The following DCDC2 variants were observed in gnomAD, a reference collection of about 807,000 sequenced individuals.
The protein encoded by DCDC2 is doublecortin domain-containing protein 2.
Under a neutral mutation model 50.2 loss-of-function variants are expected in DCDC2, and 40 were observed. That is an observed-to-expected ratio of 0.80 (90% CI 0.62 to 1.04). The LOEUF (loss-of-function observed/expected upper bound fraction) is 1.04. Among genes scored for constraint, DCDC2 ranks in the 50% least tolerant of loss-of-function variants. The pLI is 0.00. For missense variants in DCDC2, 570 were observed against 581.9 expected, an observed-to-expected ratio of 0.98 and a Z score of 0.21; for synonymous variants, 234 against 210.6, an observed-to-expected ratio of 1.11 and a Z score of -0.96.
In DCDC2 at chr6:24,357,914, C is replaced by T. The variant is rs1187112074; in HGVS notation, c.-164G>A. 6.5e-7 allele frequency: 1 copy of T among 1,532,050 alleles called. No individual in the cohort carries two copies. Among genetic ancestry groups the T allele is most frequent in the African/African-American group, 1.4e-5 (1 of 72,348 alleles). The allele number at this position is 1,532,050 out of a possible 1,614,324, so 94.9% of individuals were successfully genotyped here. ...AAGTAACGGCCGTGCGCCTAGGCGT[C>T]CACCCAGAGGAGACACTAGGAGCTT... On this transcript the variant is annotated 5_prime_UTR_variant, in exon 1 of 10. Transcript: ENST00000378454.
chr6:24,266,257 G>A (rs1363586908), intron 7 of DCDC2, among the ~76,000 whole-genome samples: 2 of 151,996 alleles, frequency 1.3e-5, no homozygotes, highest in African/African-American at 2.4e-5. Context: ...GAAAACATTG[G>A]GGAAACTCCC....
intron 2 of DCDC2, among the ~76,000 whole-genome samples, chr6:24,326,075 C>CAAAG (rs1290114902): frequency 7.2e-6 from 1 of 139,158 alleles, no homozygotes; most frequent in Non-Finnish European, 1.6e-5. Flanking sequence ...GTTCCAAAAC[C>CAAAG]AAAGAAAGAA....
chr6:24,196,674 C>G (rs1761451696), intron 8 of DCDC2, among the ~76,000 whole-genome samples: 1 of 152,188 alleles, frequency 6.6e-6, no homozygotes, highest in African/African-American at 2.4e-5. Context: ...TCCAGACCAC[C>G]TCAGCCTCCC....
chr6:24,361,055 T>C (rs985820048), upstream of DCDC2, among the ~76,000 whole-genome samples: 1 of 152,188 alleles, frequency 6.6e-6, no homozygotes, highest in African/African-American at 2.4e-5. Context: ...TGTGGGACAT[T>C]GCAATCTGGA....
intron 7 of DCDC2, among the ~76,000 whole-genome samples, chr6:24,275,084 C>T (rs1421788563): frequency 6.6e-6 from 1 of 152,058 alleles, no homozygotes; most frequent in East Asian, 1.9e-4. Context: ...TTTCATTTTG[C>T]TTCAAATTCT....
In DCDC2 at chr6:24,173,040, G is replaced by T. The variant is rs969227597; in HGVS notation, c.*1690C>A. 25 of 136,044 alleles carry T rather than the reference G, an allele frequency of 1.8e-4. No homozygotes were observed. The highest frequency in any genetic ancestry group is 6.1e-4 in the African/African-American group (24 of 39,114). The allele number at this position is 136,044 out of a possible 1,614,324, so 8.4% of individuals were successfully genotyped here. A position where few individuals can be genotyped will look rare whatever the true frequency, so the allele number is the denominator to read the frequency against. On this transcript the variant is annotated 3_prime_UTR_variant, in exon 10 of 10. Coordinates refer to ENST00000378454, the MANE Select transcript of DCDC2 (RefSeq NM_016356.5). ...ATAATAAAGATCAATTGGTCTATTT[G>T]CCTACCAACCCAAGATTGTTGCTTA...
intron 4 of DCDC2, among the ~76,000 whole-genome samples, chr6:24,294,932 A>G (rs936603138): frequency 6.6e-6 from 1 of 152,110 alleles, no homozygotes; most frequent in Non-Finnish European, 1.5e-5. Context: ...ATTCCAAAAA[A>G]TTGAGGAGGA....
chr6:24,242,695 C>CT (rs935326265), intron 7 of DCDC2, among the ~76,000 whole-genome samples: 1 of 152,174 alleles, frequency 6.6e-6, no homozygotes, highest in African/African-American at 2.4e-5. Context: ...GGCATGGTGG[C>CT]TCACGCCTGT....
At chr6:24,304,597 A>T (rs540722772) in intron 2 of DCDC2, among the ~76,000 whole-genome samples, 1 of 152,310 alleles carries the variant, frequency 6.6e-6, no homozygotes, top group South Asian at 2.1e-4. Context: ...CCTATGCCCT[A>T]ATCACCAAGC....
At chr6:24,371,135 G>A in the DCDC2 span, among the ~76,000 whole-genome samples, 1 of 151,706 alleles carries the variant, frequency 6.6e-6, no homozygotes, top group Non-Finnish European at 1.5e-5. Flanking sequence ...AAATTAGCTG[G>A]GTGTGGCGGT....
intron 8 of DCDC2, among the ~76,000 whole-genome samples, chr6:24,185,369 T>A (rs1761168207): frequency 1.3e-5 from 2 of 152,190 alleles, no homozygotes; most frequent in Admixed American, 6.5e-5. Flanking sequence ...TTAGTTCAAC[T>A]TTAAGAAATG....
intron 2 of DCDC2, among the ~76,000 whole-genome samples, chr6:24,329,771 C>T (rs1197731833): frequency 1.3e-5 from 2 of 152,200 alleles, no homozygotes; most frequent in African/African-American, 4.8e-5. Context: ...GCGCTATCTT[C>T]TATCAGCATT....
At chr6:24,324,916 A>G (rs1759831287) in intron 2 of DCDC2, among the ~76,000 whole-genome samples, 1 of 151,898 alleles carries the variant, frequency 6.6e-6, no homozygotes, top group Admixed American at 6.6e-5. Flanking sequence ...GAAAAGAAAG[A>G]AAGAAAAGAG....
chr6:24,209,873 C>CA (rs1457776424), intron 7 of DCDC2, among the ~76,000 whole-genome samples: 2 of 152,202 alleles, frequency 1.3e-5, no homozygotes, highest in Non-Finnish European at 2.9e-5. Flanking sequence ...TCCTCACCCC[C>CA]ACACTTTCCC....
chr6:24,332,708 CAT>C (rs528230855), intron 2 of DCDC2, among the ~76,000 whole-genome samples: 270 of 152,148 alleles, frequency 1.8e-3, no homozygotes, highest in African/African-American at 6.2e-3. Flanking sequence ...CAATTTAAAA[CAT>C]AAAAGAACAG....
chr6:24,181,620 C>T (rs529106086), intron 8 of DCDC2, among the ~76,000 whole-genome samples: 2 of 152,206 alleles, frequency 1.3e-5, no homozygotes, highest in South Asian at 4.1e-4. Context: ...TAGGAGTTAG[C>T]CAGTGAGGTG....
chr6:24,229,792 A>G (rs574572855), intron 7 of DCDC2, among the ~76,000 whole-genome samples: 1 of 152,334 alleles, frequency 6.6e-6, no homozygotes, highest in South Asian at 2.1e-4. Flanking sequence ...CACTTCCTTC[A>G]GCACCAAACA....
At chr6:24,320,406 A>T (rs1202831041) in intron 2 of DCDC2, among the ~76,000 whole-genome samples, 2 of 152,184 alleles carry the variant, frequency 1.3e-5, no homozygotes, top group Non-Finnish European at 2.9e-5. Flanking sequence ...ATCTTGGCTC[A>T]CTGCAACCTC....
intron 2 of DCDC2, among the ~76,000 whole-genome samples, chr6:24,317,300 A>C (rs1759689828): frequency 6.6e-6 from 1 of 152,068 alleles, no homozygotes; most frequent in Non-Finnish European, 1.5e-5. Flanking sequence ...AATAGACCAG[A>C]GGAATAGACT....
Sources: allele counts gnomAD v4.1 joint callset (sites outside exome capture counted in the v4.1 genomes callset), GRCh38; gene constraint gnomAD v4.1.1; transcripts MANE v1.5; gene names NCBI Gene and HGNC (gene_info 2026-07-23, HGNC 2026-07-21).